MBOAT7: variants seen among roughly 807,000 people sequenced by gnomAD.
The protein encoded by MBOAT7 is membrane bound acylglycerophosphatidylinositol O-acyltransferase MBOAT7.
In MBOAT7, 40 loss-of-function variants were observed where a neutral mutation model predicts 47.4. That is an observed-to-expected ratio of 0.84 (90% CI 0.66 to 1.10). The LOEUF (loss-of-function observed/expected upper bound fraction) is 1.10, where lower values mean the gene tolerates loss of function less well. MBOAT7 is among the 50% of genes least tolerant of loss of function. The pLI is 0.00. For synonymous variants in MBOAT7, 361 were observed against 292.0 expected (o/e 1.24, Z -2.41); for missense variants, 680 against 655.6 (o/e 1.04, Z -0.41).
chr19:54,178,815 C>T lies in MBOAT7; in HGVS notation c.981G>A (p.Trp327Ter). 1 of 1,613,562 alleles carries T rather than the reference C, an allele frequency of 6.2e-7. No individual in the cohort carries two copies. The highest frequency in any genetic ancestry group is 8.5e-7 in the Non-Finnish European group (1 of 1,180,022). Reference sequence around the variant, plus strand: ...CGCTCTTGTAGATATACTGCGCCAGCCACCACTGCACCGTCATGTTCCAGT... The same window carrying T: ...CGCTCTTGTAGATATACTGCGCCAGTCACCACTGCACCGTCATGTTCCAGT... ...MRYWNMTVQW[W>*]LAQYIYKSAP... Residue 327 changes from tryptophan (W) to a stop codon, truncating the protein, a stop_gained, in exon 7 of 8, where the codon TGG becomes TGA. Transcript: ENST00000245615. LOFTEE classifies it high-confidence loss of function.
intron 4 of MBOAT7, among the ~76,000 whole-genome samples, chr19:54,186,220 G>T (rs1355839111): frequency 2.0e-5 from 3 of 151,834 alleles, no homozygotes; most frequent in East Asian, 3.9e-4. Context: ...TCTCCATTTT[G>T]GTCAGGCTGG....
intron 5 of MBOAT7, among the ~76,000 whole-genome samples, chr19:54,182,390 G>C (rs547686512): frequency 1.3e-4 from 20 of 152,254 alleles, no homozygotes; most frequent in African/African-American, 4.3e-4. Context: ...TGGGATGATG[G>C]ACATGGGGTT....
chr19:54,176,687 G>A (rs1458841372), intron 7 of MBOAT7, among the ~76,000 whole-genome samples: 1 of 152,122 alleles, frequency 6.6e-6, no homozygotes. Flanking sequence ...CAGCACAGTT[G>A]CCCCCAGTTG....
intron 7 of MBOAT7, among the ~76,000 whole-genome samples, chr19:54,178,109 A>G (rs2076162774): frequency 6.7e-6 from 1 of 149,860 alleles, no homozygotes; most frequent in Non-Finnish European, 1.5e-5. Flanking sequence ...ACAGCATGTC[A>G]CCATGTTGGT....
rs532312933 is a variant in MBOAT7, at chr19:54,182,055, G to C, written c.494-922C>G. The stretch of plus-strand genomic sequence containing the variant: ...GGAAGGAGGGAAGGAAGGAAGAAGG[G>C]AAAAGGGAAGGACGGAGGGAAGGAG... On this transcript the variant is annotated intron_variant, in intron 5 of 7. Coordinates refer to ENST00000245615, the MANE Select transcript of MBOAT7 (RefSeq NM_024298.5). 5.8e-4 allele frequency among the ~76,000 whole-genome samples: 83 copies of C among 144,068 alleles called. 1 individual carries two copies. Among genetic ancestry groups the C allele is most frequent in the Non-Finnish European group, 1.1e-3 (72 of 65,252 alleles). 94.5% of individuals were successfully genotyped at this position (144,068 alleles called of 152,430 possible). A position where few individuals can be genotyped will look rare whatever the true frequency, so the allele number is the denominator to read the frequency against.
At chr19:54,181,537 G>A (rs1046091566) in intron 5 of MBOAT7, among the ~76,000 whole-genome samples, 39 of 142,962 alleles carry the variant, frequency 2.7e-4, no homozygotes, top group African/African-American at 1.0e-3. Context: ...TGAATTCCCA[G>A]CTACTGGGGA....
chr19:54,178,899 G>T lies in MBOAT7; in HGVS notation c.897C>A (p.Ile299=). 6.2e-7 allele frequency: 1 copy of T among 1,613,504 alleles called. No individual in the cohort carries two copies. Residue 299 remains isoleucine (I), a synonymous_variant, in exon 7 of 8, where the codon ATC becomes ATA. Transcript: ENST00000245615. ...AASLEYDYET[I]RNIDCYSTDF... ...CTGTGCTGTAGCAGTCGATGTTGCG[G>T]ATGGTCTCATAGTCATACTCCAAGG...
At chr19:54,181,646 T>G (rs993591803) in intron 5 of MBOAT7, among the ~76,000 whole-genome samples, 6,051 of 40,102 alleles carry the variant, frequency 0.15, no homozygotes, top group Middle Eastern at 0.23. Context: ...AGGGAAGGAG[T>G]GAAGAAGGGA....
chr19:54,182,101 T>C (rs1320933379), intron 5 of MBOAT7, among the ~76,000 whole-genome samples: 1 of 151,102 alleles, frequency 6.6e-6, no homozygotes, highest in African/African-American at 2.4e-5. Context: ...AACTAGGAGA[T>C]AGCTGTGGCA....
intron 5 of MBOAT7, among the ~76,000 whole-genome samples, chr19:54,181,769 G>A (rs564182954): frequency 6.0e-5 from 1 of 16,706 alleles, no homozygotes. Context: ...GAAGGAGGGA[G>A]GGAAGGAGGG....
intron 5 of MBOAT7, 56 bp downstream of exon 5, chr19:54,183,465 G>A: frequency 1.9e-6 from 3 of 1,579,196 alleles, no homozygotes; most frequent in Non-Finnish European, 2.6e-6. Context: ...AGGCACTCAG[G>A]GCGGAAGGGG....
rs1378798457 is a variant in MBOAT7 at position 54,180,839 on chromosome 19, G to A, written c.788C>T (p.Ala263Val). 6.3e-7 allele frequency: 1 copy of A among 1,576,338 alleles called. No individual in the cohort carries two copies. Among genetic ancestry groups the A allele is most frequent in the Admixed American group, 1.9e-5 (1 of 52,862 alleles). ...ECGCIAAGFGAYPVAAKARAG... is the reference protein window; with the variant it reads ...ECGCIAAGFGVYPVAAKARAG... ...CCGGGCTTTGGCGGCCACGGGGTAG[G>A]CCCCAAAGCCGGCGGCAATGCAGCC... is the stretch of plus-strand genomic sequence containing the variant. The change falls in exon 6 of 8, where the codon GCC (alanine) becomes GTC (valine). Residue 263 changes from alanine to valine, a missense_variant. Physicochemically the swap from Ala to Val is moderately conservative, Grantham distance 64 (BLOSUM62 0). Coordinates refer to ENST00000245615, the MANE Select transcript of MBOAT7 (RefSeq NM_024298.5). The surrounding 1 kb of genome is among the most constrained non-coding windows in gnomAD (Gnocchi z 5.2).
rs990391060 is a variant in MBOAT7 at position 54,187,151 on chromosome 19, C to T, written c.333+10G>A. The T allele has an allele frequency of 1.9e-6, 3 of 1,552,792 alleles. No individual in the cohort carries two copies. Among genetic ancestry groups the T allele is most frequent in the Admixed American group, 1.9e-5 (1 of 51,434 alleles). ...GAGGCTGGAGGGGAGTGGCAAGCCC[C>T]GAGTCTGACCTTCAGCGTCAGCAGC... On this transcript the variant is annotated intron_variant, in intron 4 of 7. Transcript: ENST00000245615.
rs376405674 is a variant in MBOAT7, at chr19:54,174,248, G to A, written c.1215C>T (p.Arg405=). ...AGCCCATGCACATGTAGTCATAGGCGCGCATCTTCAGGAACCAGTGCACCC... is the reference window on the plus strand; with the variant it reads ...AGCCCATGCACATGTAGTCATAGGCACGCATCTTCAGGAACCAGTGCACCC... ...WDWVHWFLKM[R]AYDYMCMGFV... The change falls in exon 8 of 8, where the codon CGC becomes CGT. Residue 405 remains arginine (R), a synonymous_variant. Transcript: ENST00000245615. 6.3e-5 allele frequency: 101 copies of A among 1,608,782 alleles called. 1 individual carries two copies. The Admixed American group carries it at 8.8e-4, about 14-fold the overall frequency.
chr19:54,179,194 C>T (rs1474666422), intron 6 of MBOAT7: 22 of 569,262 alleles, frequency 3.9e-5, no homozygotes, highest in Non-Finnish European at 6.2e-5. Flanking sequence ...TAATGGGGCC[C>T]GCCACAGCCA....
At chr19:54,187,660 G>T (rs2076467486) in intron 3 of MBOAT7, among the ~76,000 whole-genome samples, 1 of 152,204 alleles carries the variant, frequency 6.6e-6, no homozygotes, top group Non-Finnish European at 1.5e-5. Context: ...CTCTCTCCAT[G>T]ACATGGATGT....
intron 1 of MBOAT7, among the ~76,000 whole-genome samples, chr19:54,188,917 C>T (rs539271750): frequency 3.3e-5 from 5 of 152,144 alleles, no homozygotes; most frequent in African/African-American, 1.2e-4. Flanking sequence ...CCTTCCTCTT[C>T]GACAGCCCAG....
Position 54,175,045 on chromosome 19 carries a change from G to A in MBOAT7, c.1032-614C>T, listed in dbSNP as rs556273532. 1.5e-4 allele frequency among the ~76,000 whole-genome samples: 21 copies of A among 143,920 alleles called. No individual in the cohort carries two copies. In the East Asian group the frequency reaches 2.2e-3, roughly 15 times the overall value. The allele number at this position is 143,920 out of a possible 152,430, so 94.4% of individuals were successfully genotyped here. A position where few individuals can be genotyped will look rare whatever the true frequency, so the allele number is the denominator to read the frequency against. ...GGCTAGAGTGCAGTGGCGCGATCTT[G>A]GCTCACTGCAAGCTCCGCCTCCCAG... On this transcript the variant is annotated intron_variant, in intron 7 of 7. Transcript: ENST00000245615.
At chr19:54,182,001 GGGAA>G (rs1568805841) in intron 5 of MBOAT7, among the ~76,000 whole-genome samples, 12 of 59,230 alleles carry the variant, frequency 2.0e-4, no homozygotes, top group Non-Finnish European at 3.1e-4. Flanking sequence ...GAGGGAGGGA[GGGAA>G]GGAGGGAAGG....
Sources: allele counts gnomAD v4.1 joint callset (sites outside exome capture counted in the v4.1 genomes callset), GRCh38; gene constraint gnomAD v4.1.1; non-coding constraint Gnocchi (gnomAD v3.1); transcripts MANE v1.5; gene names NCBI Gene and HGNC (gene_info 2026-07-23, HGNC 2026-07-21).